Variants in CPPED1 observed in about 807,000 individuals in gnomAD.
CPPED1 encodes the protein calcineurin like phosphoesterase domain containing 1.
CPPED1 carries 28 observed loss-of-function variants against 28.0 expected under a neutral mutation model. The observed-to-expected ratio is 1.00, with a 90% CI of 0.74 to 1.37. The LOEUF is 1.37. Among genes scored for constraint, CPPED1 ranks in the 40% most tolerant of loss-of-function variants. CPPED1 has a pLI of 0.00. For synonymous variants in CPPED1, 198 were observed against 180.2 expected, an observed-to-expected ratio of 1.10 and a Z score of -0.79; for missense variants, 504 against 416.5, an observed-to-expected ratio of 1.21 and a Z score of -1.83.
intron 2 of CPPED1, among the ~76,000 whole-genome samples, chr16:12,761,759 C>T (rs1157698604): frequency 6.6e-6 from 1 of 152,098 alleles, no homozygotes; most frequent in African/African-American, 2.4e-5. Context: ...TAGTATAATA[C>T]CAACACTTTG....
chr16:12,751,341 T>C (rs769784326), intron 2 of CPPED1, among the ~76,000 whole-genome samples: 3 of 152,240 alleles, frequency 2.0e-5, no homozygotes, highest in Non-Finnish European at 2.9e-5. Flanking sequence ...AACAGCCTTA[T>C]GGCTGATATG....
chr16:12,679,760 C>T (rs956500711), intron 3 of CPPED1, among the ~76,000 whole-genome samples: 17 of 152,150 alleles, frequency 1.1e-4, no homozygotes, highest in South Asian at 2.1e-4. Context: ...CACTTTGACA[C>T]GCTAAACTAA....
At chr16:12,772,667 A>G (rs2080476650) in intron 2 of CPPED1, among the ~76,000 whole-genome samples, 1 of 152,242 alleles carries the variant, frequency 6.6e-6, no homozygotes, top group Non-Finnish European at 1.5e-5. Flanking sequence ...GTTACTGGGC[A>G]ATGGATGTGC....
At chr16:12,678,150 T>C (rs894772349) in intron 3 of CPPED1, among the ~76,000 whole-genome samples, 1 of 152,122 alleles carries the variant, frequency 6.6e-6, no homozygotes, top group Non-Finnish European at 1.5e-5. Flanking sequence ...CAAAAAACAG[T>C]GACAACAAAG....
At chr16:12,707,590 T>TGAGGCAG (rs1329845803) in intron 2 of CPPED1, among the ~76,000 whole-genome samples, 5 of 152,304 alleles carry the variant, frequency 3.3e-5, no homozygotes, top group African/African-American at 1.2e-4. Context: ...ACATGCTAAC[T>TGAGGCAG]GAGGCAGGTA....
intron 1 of CPPED1, among the ~76,000 whole-genome samples, chr16:12,787,542 TTA>T (rs1257645893): frequency 6.6e-6 from 1 of 151,876 alleles, no homozygotes; most frequent in Non-Finnish European, 1.5e-5. Context: ...GCAGCTGGGA[TTA>T]TACAGGCATG....
intron 2 of CPPED1, among the ~76,000 whole-genome samples, chr16:12,739,182 T>G (rs1005525196): frequency 2.8e-4 from 43 of 152,292 alleles, no homozygotes; most frequent in Admixed American, 1.3e-3. Flanking sequence ...AGTGTGCATG[T>G]AGAATAAGTA....
intron 3 of CPPED1, among the ~76,000 whole-genome samples, chr16:12,691,850 C>A (rs113629475): frequency 7.5e-6 from 1 of 132,626 alleles, no homozygotes; most frequent in Admixed American, 7.1e-5. Context: ...CATTAGGAGA[C>A]ATGCCTAATG....
At chr16:12,695,752 C>T (rs747341760) in intron 3 of CPPED1, among the ~76,000 whole-genome samples, 5 of 152,144 alleles carry the variant, frequency 3.3e-5, no homozygotes, top group Admixed American at 6.5e-5. Flanking sequence ...TGTTTTTGTA[C>T]CTCACTTTCC....
rs556050129 is a variant in CPPED1 at position 12,671,923 on chromosome 16, G to A, written c.716-6808C>T. Reference sequence around the variant, plus strand: ...GTGATGGACGCCATATATGAAGGGGGTCCCGTAAGATTATAATGCTGTATT... The same window carrying A: ...GTGATGGACGCCATATATGAAGGGGATCCCGTAAGATTATAATGCTGTATT... On this transcript the variant is annotated intron_variant, in intron 3 of 3. Transcript: ENST00000381774. Among the ~76,000 whole-genome samples, 4 of 152,296 alleles carry A rather than the reference G, an allele frequency of 2.6e-5. No homozygotes were observed. In the East Asian group the frequency reaches 5.8e-4, roughly 22 times the overall value.
intron 2 of CPPED1, among the ~76,000 whole-genome samples, chr16:12,755,757 G>A (rs888738745): frequency 1.3e-5 from 2 of 152,170 alleles, no homozygotes; most frequent in African/African-American, 2.4e-5. Context: ...TTGGGACAGC[G>A]TCATGTGAAA....
At chr16:12,744,693 GACAGA>G (rs2080275976) in intron 2 of CPPED1, among the ~76,000 whole-genome samples, 1 of 151,948 alleles carries the variant, frequency 6.6e-6, no homozygotes, top group Non-Finnish European at 1.5e-5. Context: ...GAGTTTGAAG[GACAGA>G]AGCCAGGCGT....
intron 3 of CPPED1, among the ~76,000 whole-genome samples, chr16:12,703,500 G>A (rs577306868): frequency 9.9e-5 from 15 of 152,222 alleles, no homozygotes; most frequent in South Asian, 2.1e-4. Context: ...TGGACAACAT[G>A]GTGAAACCCC....
At chr16:12,727,161 T>C (rs1354782845) in intron 2 of CPPED1, among the ~76,000 whole-genome samples, 2 of 152,144 alleles carry the variant, frequency 1.3e-5, no homozygotes, top group African/African-American at 2.4e-5. Context: ...ACCAAATGTG[T>C]GTCCAGTATA....
chr16:12,801,453 GA>G (rs930629140), intron 1 of CPPED1, among the ~76,000 whole-genome samples: 4 of 148,632 alleles, frequency 2.7e-5, no homozygotes, highest in South Asian at 2.1e-4. Flanking sequence ...TTCTTGAACT[GA>G]AAAAAAAAAT....
intron 2 of CPPED1, chr16:12,753,937 A>G (rs2080347791): frequency 6.6e-6 from 1 of 152,150 alleles, no homozygotes; most frequent in African/African-American, 2.4e-5. Flanking sequence ...AGGCTGGGTA[A>G]TGAATGGCAG....
At chr16:12,689,700 C>G (rs192986999) in intron 3 of CPPED1, among the ~76,000 whole-genome samples, 23 of 152,098 alleles carry the variant, frequency 1.5e-4, no homozygotes, top group Non-Finnish European at 1.8e-4. Flanking sequence ...GGGAAGTCAT[C>G]GGCAAATAAG....
chr16:12,666,174 C>G (rs1214055296), intron 3 of CPPED1, among the ~76,000 whole-genome samples: 1 of 151,884 alleles, frequency 6.6e-6, no homozygotes, highest in Non-Finnish European at 1.5e-5. Context: ...CAGAGCATGT[C>G]TGACATATGA....
chr16:12,749,122 T>C (rs1269940210), intron 2 of CPPED1, among the ~76,000 whole-genome samples: 3 of 152,152 alleles, frequency 2.0e-5, no homozygotes, highest in African/African-American at 7.2e-5. Flanking sequence ...CATGAAGTTG[T>C]CTGTATCAAC....
Sources: gnomAD v4.1 joint callset for allele counts (sites outside exome capture counted in the v4.1 genomes callset) on GRCh38, gnomAD v4.1.1 for gene constraint, MANE v1.5 for transcripts, NCBI Gene and HGNC (gene_info 2026-07-23, HGNC 2026-07-21) for gene names.